Variants in MDGA2 observed in about 807,000 individuals in gnomAD.
MDGA2 encodes MAM domain containing glycosylphosphatidylinositol anchor 2, also known as MAM domain-containing glycosylphosphatidylinositol anchor protein 2.
In MDGA2, 40 loss-of-function variants were observed where a neutral mutation model predicts 117.8. The ratio of observed to expected loss-of-function variants is 0.34; its 90% CI spans 0.26 to 0.44. The LOEUF (loss-of-function observed/expected upper bound fraction) is 0.44, where lower values mean the gene tolerates loss of function less well. Ranked by LOEUF, MDGA2 falls within the 20% of genes least tolerant of loss-of-function variation. MDGA2 has a pLI of 1.00. For synonymous variants in MDGA2, 452 were observed against 439.0 expected, an observed-to-expected ratio of 1.03 and a Z score of -0.37; for missense variants, 1,123 against 1,250.6, an observed-to-expected ratio of 0.90 and a Z score of 1.54.
At chr14:47,434,471 A>G (rs866547027) in intron 1 of MDGA2, among the ~76,000 whole-genome samples, 1 of 152,144 alleles carries the variant, frequency 6.6e-6, no homozygotes, top group African/African-American at 2.4e-5. Context: ...TTGGAAAGCT[A>G]ACACTTTGAT....
At chr14:47,143,590 C>T (rs184191245) in intron 4 of MDGA2, among the ~76,000 whole-genome samples, 1 of 152,124 alleles carries the variant, frequency 6.6e-6, no homozygotes, top group African/African-American at 2.4e-5. Flanking sequence ...ATAATTAAAG[C>T]TCTATTTCTA....
chr14:47,343,876 C>T (rs1290665266), intron 1 of MDGA2, among the ~76,000 whole-genome samples: 1 of 151,776 alleles, frequency 6.6e-6, no homozygotes, highest in Non-Finnish European at 1.5e-5. Context: ...AATAAAATAG[C>T]CATATGTCCC....
intron 8 of MDGA2, among the ~76,000 whole-genome samples, chr14:46,990,097 C>A (rs930095642): frequency 6.6e-6 from 1 of 152,046 alleles, no homozygotes; most frequent in African/African-American, 2.4e-5. Context: ...AGACATGTGA[C>A]CTTGAAATGT....
At chr14:47,262,040 C>A (rs1394530097) in intron 2 of MDGA2, among the ~76,000 whole-genome samples, 2 of 152,132 alleles carry the variant, frequency 1.3e-5, no homozygotes, top group Non-Finnish European at 2.9e-5. Context: ...TCCAGACACA[C>A]AGTAGTGGCT....
intron 1 of MDGA2, among the ~76,000 whole-genome samples, chr14:47,519,205 A>AAAAAC (rs1193494099): frequency 6.6e-6 from 1 of 152,192 alleles, no homozygotes; most frequent in African/African-American, 2.4e-5. Flanking sequence ...ACTCAGTCTC[A>AAAAAC]AAAACAAAAC....
At position 46,855,045 on chromosome 14, in the gene MDGA2, T is replaced by C; in HGVS notation, c.2862A>G (p.Ile954Met). ...GQRWNEAHVN[I>M]YPITSFQLIF... ...TTACCTGAAATGAAGTAATTGGGTA[T>C]ATATTAACATGAGCCTCATTCCATC... The change falls in exon 15 of 17, where the codon ATA becomes ATG. Residue 954 changes from isoleucine to methionine, a missense_variant. Transcript: ENST00000399232. This position sits in a 1 kb window ranked among gnomAD's most constrained non-coding sequence, Gnocchi z 4.1. 6.2e-7 allele frequency: 1 copy of C among 1,606,978 alleles called. No individual in the cohort carries two copies. Among genetic ancestry groups the C allele is most frequent in the Non-Finnish European group, 8.5e-7 (1 of 1,177,086 alleles).
chr14:47,617,836 T>G (rs1012784129), intron 1 of MDGA2, among the ~76,000 whole-genome samples: 1 of 152,142 alleles, frequency 6.6e-6, no homozygotes, highest in Non-Finnish European at 1.5e-5. Context: ...ACAATGTAAT[T>G]GGGGAATGGT....
intron 10 of MDGA2, among the ~76,000 whole-genome samples, chr14:46,912,408 T>A (rs138304337): frequency 1.3e-5 from 2 of 152,144 alleles, no homozygotes; most frequent in African/African-American, 4.8e-5. Context: ...TTCAGTTTCA[T>A]ATCTAATGCT....
At chr14:47,434,411 A>AT (rs1892858020) in intron 1 of MDGA2, among the ~76,000 whole-genome samples, 1 of 152,104 alleles carries the variant, frequency 6.6e-6, no homozygotes, top group African/African-American at 2.4e-5. Context: ...AATTTGTAGC[A>AT]TTGTGAAACT....
chr14:47,614,235 A>C (rs898390742), intron 1 of MDGA2, among the ~76,000 whole-genome samples: 2 of 150,314 alleles, frequency 1.3e-5, no homozygotes, highest in Non-Finnish European at 1.5e-5. Context: ...GGTTACAGGC[A>C]CCTGCCATCA....
chr14:47,085,262 C>T (rs1359558166), intron 6 of MDGA2, among the ~76,000 whole-genome samples: 1 of 151,930 alleles, frequency 6.6e-6, no homozygotes, highest in African/African-American at 2.4e-5. Flanking sequence ...AAATAATTAG[C>T]ATTTGAAATA....
intron 3 of MDGA2, among the ~76,000 whole-genome samples, chr14:47,167,369 G>A (rs765626758): frequency 7.9e-5 from 12 of 152,062 alleles, no homozygotes; most frequent in Non-Finnish European, 1.3e-4. Flanking sequence ...TAACCTCTCT[G>A]TGTACTCATG....
intron 1 of MDGA2, among the ~76,000 whole-genome samples, chr14:47,383,065 G>A (rs1013571231): frequency 2.6e-5 from 4 of 152,174 alleles, no homozygotes; most frequent in Non-Finnish European, 5.9e-5. Flanking sequence ...GGACATGGAT[G>A]ATGCTGGAAA....
intron 1 of MDGA2, among the ~76,000 whole-genome samples, chr14:47,331,111 C>T (rs1402773500): frequency 6.6e-6 from 1 of 151,692 alleles, no homozygotes; most frequent in Non-Finnish European, 1.5e-5. Context: ...TGTACCATTC[C>T]ATTAAGAATT....
intron 1 of MDGA2, among the ~76,000 whole-genome samples, chr14:47,615,777 G>A (rs1349447060): frequency 6.6e-6 from 1 of 152,112 alleles, no homozygotes; most frequent in Non-Finnish European, 1.5e-5. Flanking sequence ...CCACCTCACC[G>A]TGATTATTAA....
intron 2 of MDGA2, among the ~76,000 whole-genome samples, chr14:47,251,523 C>T (rs1266489132): frequency 1.3e-5 from 2 of 152,082 alleles, no homozygotes; most frequent in African/African-American, 4.8e-5. Flanking sequence ...TCATTACCCC[C>T]GAAGTATACG....
At chr14:47,375,878 C>T (rs1891466771) in intron 1 of MDGA2, among the ~76,000 whole-genome samples, 1 of 152,098 alleles carries the variant, frequency 6.6e-6, no homozygotes, top group Non-Finnish European at 1.5e-5. Flanking sequence ...AGCTGCCCCT[C>T]CCAAAAGAAC....
intron 3 of MDGA2, among the ~76,000 whole-genome samples, chr14:47,147,599 A>C (rs2139215614): frequency 6.6e-6 from 1 of 152,318 alleles, no homozygotes; most frequent in African/African-American, 2.4e-5. Flanking sequence ...TTATTTCTAG[A>C]GAGAGCAATT....
chr14:47,551,014 A>G (rs767481135), intron 1 of MDGA2, among the ~76,000 whole-genome samples: 29 of 152,282 alleles, frequency 1.9e-4, no homozygotes, highest in Middle Eastern at 3.4e-3. Flanking sequence ...AAGCACAAAT[A>G]GAGTCTTATT....
Sources: allele counts gnomAD v4.1 joint callset (sites outside exome capture counted in the v4.1 genomes callset), GRCh38; gene constraint gnomAD v4.1.1; non-coding constraint Gnocchi (gnomAD v3.1); transcripts MANE v1.5; gene names NCBI Gene and HGNC (gene_info 2026-07-23, HGNC 2026-07-21).